CLIC5: variants seen among roughly 807,000 people sequenced by gnomAD.
CLIC5 encodes CLIC family member 5.
CLIC5 carries 20 observed loss-of-function variants against 24.7 expected under a neutral mutation model. The ratio of observed to expected loss-of-function variants is 0.81; its 90% CI spans 0.57 to 1.18. The LOEUF is 1.18. Ranked by LOEUF, CLIC5 falls within the 50% of genes most tolerant of loss-of-function variation. CLIC5 has a pLI of 0.00. For missense variants in CLIC5, 341 were observed against 326.1 expected, an observed-to-expected ratio of 1.05 and a Z score of -0.35; for synonymous variants, 159 against 135.6, an observed-to-expected ratio of 1.17 and a Z score of -1.20.
At chr6:46,019,116 G>A (rs1262633128), upstream of CLIC5, among the ~76,000 whole-genome samples, 18 of 148,358 alleles carry the variant, frequency 1.2e-4, no homozygotes, top group African/African-American at 4.4e-4. Context: ...AGCTAAAATG[G>A]AATGACAAGA....
intron 6 of CLIC5, among the ~76,000 whole-genome samples, chr6:45,886,368 C>T (rs1288298607): frequency 6.6e-6 from 1 of 152,228 alleles, no homozygotes; most frequent in Non-Finnish European, 1.5e-5. Flanking sequence ...TGAGCAGCCC[C>T]ACCCTGCACA....
chr6:45,909,613 T>G (rs571173531), intron 5 of CLIC5, among the ~76,000 whole-genome samples: 1 of 152,350 alleles, frequency 6.6e-6, no homozygotes, highest in Non-Finnish European at 1.5e-5. Flanking sequence ...CTCAATCTCT[T>G]CTGGCTTGCA....
intron 1 of CLIC5, among the ~76,000 whole-genome samples, chr6:46,006,095 T>TAC (rs1766561014): frequency 6.9e-5 from 3 of 43,726 alleles, no homozygotes; most frequent in African/African-American, 2.9e-4. Flanking sequence ...TATAAATACA[T>TAC]ATATATATAT....
intron 4 of CLIC5, chr6:45,932,902 G>C (rs1763793135): frequency 6.6e-6 from 1 of 152,226 alleles, no homozygotes; most frequent in Non-Finnish European, 1.5e-5. Context: ...AGGGAAATGA[G>C]AGAGGCAGGA....
the CLIC5 span, among the ~76,000 whole-genome samples, chr6:46,108,800 GT>G: frequency 1.3e-5 from 2 of 151,646 alleles, no homozygotes; most frequent in South Asian, 2.1e-4. Flanking sequence ...TTGAATGAAT[GT>G]TTTTTTTCAG....
intron 1 of CLIC5, among the ~76,000 whole-genome samples, chr6:46,042,703 CA>C (rs1243690683): frequency 2.0e-5 from 3 of 152,160 alleles, no homozygotes; most frequent in African/African-American, 7.2e-5. Flanking sequence ...TGTGTTTAAA[CA>C]AAACATGGAC....
In CLIC5 at chr6:45,902,742, A is replaced by G; in HGVS notation, c.*346T>C. 3.8e-6 allele frequency: 1 copy of G among 261,446 alleles called. No individual in the cohort carries two copies. The highest frequency in any genetic ancestry group is 7.3e-6 in the Non-Finnish European group (1 of 136,284). The allele number at this position is 261,446 out of a possible 1,614,324, so 16.2% of individuals were successfully genotyped here. A position where few individuals can be genotyped will look rare whatever the true frequency, so the allele number is the denominator to read the frequency against. On this transcript the variant is annotated 3_prime_UTR_variant, in exon 6 of 6. Coordinates refer to ENST00000339561, the MANE Select transcript of CLIC5 (RefSeq NM_016929.5). ...AAAGGAGTTGGTGTTGCATGTTTCT[A>G]AAGCATCTGAGAAGGTATTTTGATA...
At position 45,921,245 on chromosome 6, in the gene CLIC5, G is replaced by A. The variant is rs941951952; in HGVS notation, c.407-6836C>T. ...CTTAGACCACATGAAGTCAGAAATG[G>A]CAGCAAGGTTTTAGAAGATGGGAAG... On this transcript the variant is annotated intron_variant, in intron 4 of 5. Transcript: ENST00000339561. 5.9e-5 allele frequency among the ~76,000 whole-genome samples: 9 copies of A among 152,144 alleles called. No homozygotes were observed. In the East Asian group the frequency reaches 1.7e-3, roughly 29 times the overall value.
intron 5 of CLIC5, among the ~76,000 whole-genome samples, chr6:45,906,677 C>G (rs979646969): frequency 6.6e-6 from 1 of 152,012 alleles, no homozygotes; most frequent in Non-Finnish European, 1.5e-5. Context: ...ATTCTCCTGC[C>G]TCAACCTCCT....
chr6:46,084,537 T>C (rs1289977939), upstream of CLIC5, among the ~76,000 whole-genome samples: 5 of 152,208 alleles, frequency 3.3e-5, no homozygotes, highest in Non-Finnish European at 5.9e-5. Flanking sequence ...TTGTGAAGCT[T>C]AGTTTGGCTG....
At chr6:46,081,045 C>T (rs1326126602), upstream of CLIC5, among the ~76,000 whole-genome samples, 1 of 152,168 alleles carries the variant, frequency 6.6e-6, no homozygotes, top group Non-Finnish European at 1.5e-5. Context: ...CGTTAGAAGA[C>T]ACATTCTCTG....
At chr6:46,022,579 T>C (rs1767214778) in intron 1 of CLIC5, among the ~76,000 whole-genome samples, 1 of 152,068 alleles carries the variant, frequency 6.6e-6, no homozygotes. Context: ...TTGAGGTGAG[T>C]TGTTAGTTCT....
chr6:46,030,710 AC>A (rs1440578265), intron 1 of CLIC5, among the ~76,000 whole-genome samples: 1 of 151,810 alleles, frequency 6.6e-6, no homozygotes, highest in Non-Finnish European at 1.5e-5. Flanking sequence ...GCTGTTCCAA[AC>A]CTCCATGCCT....
intron 1 of CLIC5, among the ~76,000 whole-genome samples, chr6:46,067,638 A>C (rs1762478543): frequency 6.6e-6 from 1 of 152,134 alleles, no homozygotes; most frequent in South Asian, 2.1e-4. Flanking sequence ...TTTGACTCCA[A>C]TGTCCCTTTA....
chr6:46,033,011 T>C (rs571410973), intron 1 of CLIC5, among the ~76,000 whole-genome samples: 15 of 129,486 alleles, frequency 1.2e-4, no homozygotes, highest in African/African-American at 4.5e-4. Context: ...TTTTTTGAGA[T>C]GGAGTCTTGC....
chr6:45,921,390 A>G (rs886368481), intron 4 of CLIC5, among the ~76,000 whole-genome samples: 1 of 152,040 alleles, frequency 6.6e-6, no homozygotes, highest in African/African-American at 2.4e-5. Context: ...TATGTCGGGG[A>G]GCCATGGCTT....
chr6:46,057,364 C>T lies in CLIC5; in HGVS notation c.540+22339G>A, dbSNP rs150025426. Among the ~76,000 whole-genome samples the T allele has an allele frequency of 4.9e-3, 745 of 152,268 alleles. 15 individuals carry two copies. Among genetic ancestry groups the T allele is most frequent in the Middle Eastern group, 6.8e-3 (2 of 294 alleles). On this transcript the variant is annotated intron_variant, in intron 1 of 5. Transcript: ENST00000185206. ...CTTCTTCCTCATTTTCTCTGGCCACCGCCATGTAAGAAGTGCTTTTCTCCT... is the reference window on the plus strand; with the variant it reads ...CTTCTTCCTCATTTTCTCTGGCCACTGCCATGTAAGAAGTGCTTTTCTCCT...
chr6:45,925,084 T>C lies in CLIC5; in HGVS notation c.407-10675A>G, dbSNP rs546645031. Among the ~76,000 whole-genome samples, 5 of 152,304 alleles carry C rather than the reference T, an allele frequency of 3.3e-5. No individual in the cohort carries two copies. The South Asian group carries it at 1.0e-3, about 32-fold the overall frequency. The stretch of plus-strand genomic sequence containing the variant: ...CAGCAACTACATTTGCCTGGAACTC[T>C]CTACTCTCTGGACTTCTTGTCATGT... On this transcript the variant is annotated intron_variant, in intron 4 of 5. Transcript: ENST00000339561.
chr6:45,911,568 A>G, intron 5 of CLIC5: 3 of 977,686 alleles, frequency 3.1e-6, no homozygotes, highest in South Asian at 4.7e-5. Flanking sequence ...AATAAGATAA[A>G]GGGATCCAAA....
Sources: gnomAD v4.1 joint callset for allele counts (sites outside exome capture counted in the v4.1 genomes callset) on GRCh38, gnomAD v4.1.1 for gene constraint, MANE v1.5 for transcripts, NCBI Gene and HGNC (gene_info 2026-07-23, HGNC 2026-07-21) for gene names.